Variants in IST1 observed in about 807,000 individuals in gnomAD.
The protein encoded by IST1 is IST1 factor associated with ESCRT-III.
IST1 carries 23 observed loss-of-function variants against 37.0 expected under a neutral mutation model. That is an observed-to-expected ratio of 0.62 (90% CI 0.45 to 0.88). The LOEUF is 0.88. Among genes scored for constraint, IST1 ranks in the 40% least tolerant of loss-of-function variants. IST1 has a pLI of 0.00. For synonymous variants in IST1, 180 were observed against 161.7 expected (o/e 1.11, Z -0.86); for missense variants, 488 against 445.4 (o/e 1.10, Z -0.86).
At chr16:71,901,245 G>C (rs967303707) in intron 1 of IST1, among the ~76,000 whole-genome samples, 1 of 151,280 alleles carries the variant, frequency 6.6e-6, no homozygotes, top group Non-Finnish European at 1.5e-5. Flanking sequence ...ACGGAATCTT[G>C]CTCTGTCGCC....
intron 9 of IST1, among the ~76,000 whole-genome samples, chr16:71,925,028 T>G (rs2037705489): frequency 6.6e-6 from 1 of 151,608 alleles, no homozygotes; most frequent in African/African-American, 2.4e-5. Context: ...TTTTTTTTTT[T>G]TTGAGATGGA....
upstream of IST1, chr16:71,894,789 C>G: frequency 6.8e-7 from 1 of 1,478,446 alleles, no homozygotes; most frequent in Non-Finnish European, 9.1e-7. Context: ...TCCCGCCCCG[C>G]CTCTCAAAGT....
At chr16:71,925,789 A>G (rs1466851551) in intron 9 of IST1, among the ~76,000 whole-genome samples, 1 of 152,140 alleles carries the variant, frequency 6.6e-6, no homozygotes, top group East Asian at 2.0e-4. Context: ...TGTTTCCACA[A>G]AAAATTTTTA....
In IST1 at chr16:71,904,128, G is replaced by A. The variant is rs772017673; in HGVS notation, c.-16+8539G>A. On this transcript the variant is annotated intron_variant, in intron 1 of 9. Transcript: ENST00000378799. ...CCAACGTTCTATTTGTTTGGTGGTG[G>A]TGGTGGTTGTTTTGAGACGGAGTTT... Among the ~76,000 whole-genome samples the A allele has an allele frequency of 2.0e-5, 3 of 152,022 alleles. No homozygotes were observed. The East Asian group carries it at 5.8e-4, about 29-fold the overall frequency.
chr16:71,907,187 CTT>C (rs5817797), intron 1 of IST1, among the ~76,000 whole-genome samples: 155 of 136,010 alleles, frequency 1.1e-3, no homozygotes, highest in Admixed American at 1.5e-3. Flanking sequence ...TTTTTTCTTT[CTT>C]TTTTTTTTTT....
chr16:71,911,869 A>G (rs2037362611), intron 1 of IST1, among the ~76,000 whole-genome samples: 1 of 151,874 alleles, frequency 6.6e-6, no homozygotes, highest in Admixed American at 6.6e-5. Context: ...GGCTCGCACC[A>G]CCATGCCATG....
chr16:71,923,560 GCAGT>G lies in IST1; in HGVS notation c.852+181_852+184del, dbSNP rs2037662358. On this transcript the variant is annotated intron_variant, in intron 8 of 9. Coordinates refer to ENST00000378799, the MANE Select transcript of IST1 (RefSeq NM_001270975.2). ...TGGAAATGTGGAGTGGGTGGTGATG[GCAGT>G]ATCATTGGTGGCAATGCTTTGTCTG... 1.5e-5 allele frequency: 7 copies of G among 452,392 alleles called. No homozygotes were observed. In the South Asian group the frequency reaches 2.2e-4, roughly 14 times the overall value. The allele number at this position is 452,392 out of a possible 1,614,324, so 28.0% of individuals were successfully genotyped here.
chr16:71,911,218 G>A (rs1008660681), intron 1 of IST1, among the ~76,000 whole-genome samples: 1 of 152,136 alleles, frequency 6.6e-6, no homozygotes, highest in Non-Finnish European at 1.5e-5. Context: ...TCCAGCCTGG[G>A]TGAGAGTGAG....
At chr16:71,919,298 A>G (rs928202932) in intron 4 of IST1, among the ~76,000 whole-genome samples, 3 of 152,142 alleles carry the variant, frequency 2.0e-5, no homozygotes, top group Non-Finnish European at 2.9e-5. Flanking sequence ...TTGAGAACTG[A>G]CCATGTTTGT....
intron 1 of IST1, 28 bp from the exon 2 acceptor site, chr16:71,915,598 A>T (rs369421998): frequency 6.6e-7 from 1 of 1,513,190 alleles, no homozygotes; most frequent in South Asian, 1.2e-5. Context: ...TGACTTGAAA[A>T]TAGTCATTGT....
chr16:71,913,435 C>G (rs570905226), intron 1 of IST1, among the ~76,000 whole-genome samples: 120 of 152,202 alleles, frequency 7.9e-4, no homozygotes, highest in African/African-American at 2.9e-3. Flanking sequence ...AAGTATTTTG[C>G]CCAGTTTTTA....
intron 5 of IST1, 124 bp from the exon 6 acceptor site, chr16:71,921,219 T>C: frequency 3.1e-6 from 2 of 651,486 alleles, no homozygotes; most frequent in Non-Finnish European, 5.5e-6. Flanking sequence ...ATCATTTAAC[T>C]GCTCTGAACC....
intron 1 of IST1, among the ~76,000 whole-genome samples, chr16:71,905,939 T>TA (rs960462607): frequency 6.6e-6 from 1 of 152,176 alleles, no homozygotes; most frequent in African/African-American, 2.4e-5. Flanking sequence ...TCTTGCTTTA[T>TA]AATGTTCTGG....
chr16:71,929,870 GA>G lies in IST1; in HGVS notation c.*2059del, dbSNP rs1238399083. 3 of 977,494 alleles carry G rather than the reference GA, an allele frequency of 3.1e-6. No individual in the cohort carries two copies. The allele number at this position is 977,494 out of a possible 1,614,324, so 60.6% of individuals were successfully genotyped here. A position where few individuals can be genotyped will look rare whatever the true frequency, so the allele number is the denominator to read the frequency against. On this transcript the variant is annotated 3_prime_UTR_variant, in exon 10 of 10. Coordinates refer to ENST00000378799, the MANE Select transcript of IST1 (RefSeq NM_001270975.2). Reference sequence around the variant, plus strand: ...AACTATTTATAGGACAATGGCTATAGAATATTATGTAGTCTTATAAATTGGG... The same window carrying G: ...AACTATTTATAGGACAATGGCTATAGATATTATGTAGTCTTATAAATTGGG...
chr16:71,897,173 T>C (rs1398838578), intron 1 of IST1, among the ~76,000 whole-genome samples: 1 of 10,120 alleles, frequency 9.9e-5, no homozygotes, highest in South Asian at 8.1e-3. Flanking sequence ...CACGCCTGGC[T>C]TTTTTTTTTT....
chr16:71,929,600 A>G lies in IST1; in HGVS notation c.*1787A>G. ...ACTGCTGTCGTGGCTGCTTGCTCAG[A>G]TGAGGTTTTTTGGGGCCAACTGATT... On this transcript the variant is annotated 3_prime_UTR_variant, in exon 10 of 10. Transcript: ENST00000378799. 1 of 1,551,848 alleles carries G rather than the reference A, an allele frequency of 6.4e-7. No homozygotes were observed. Among genetic ancestry groups the G allele is most frequent in the Non-Finnish European group, 8.7e-7 (1 of 1,147,018 alleles).
At position 71,930,212 on chromosome 16, in the gene IST1, G is replaced by T; in HGVS notation, c.*2399G>T. On this transcript the variant is annotated 3_prime_UTR_variant, in exon 10 of 10. Transcript: ENST00000378799. ...GGAAAACAATAAGAACACTTGCAGT[G>T]ACTGACAATTTAGTTTATACTTTAC... 3 of 1,519,726 alleles carry T rather than the reference G, an allele frequency of 2.0e-6. No homozygotes were observed. The highest frequency in any genetic ancestry group is 2.5e-5 in the South Asian group (2 of 80,324). 94.1% of individuals were successfully genotyped at this position (1,519,726 alleles called of 1,614,324 possible). A position where few individuals can be genotyped will look rare whatever the true frequency, so the allele number is the denominator to read the frequency against.
intron 6 of IST1, 70 bp downstream of exon 6, chr16:71,921,523 C>CAT (rs56089063): frequency 0.78 from 691,131 of 887,224 alleles, 272,616 homozygotes; most frequent in East Asian, 0.98. Flanking sequence ...ACAAAAAAAA[C>CAT]ATTCTTTGCA....
chr16:71,929,662 A>G lies in IST1; in HGVS notation c.*1849A>G, dbSNP rs1369570153. ...TGAGAGCTTCTGTAGCAGTGTATCTATTAGTGCAGCTTCTTTCTGAGTATT... is the reference window on the plus strand; with the variant it reads ...TGAGAGCTTCTGTAGCAGTGTATCTGTTAGTGCAGCTTCTTTCTGAGTATT... On this transcript the variant is annotated 3_prime_UTR_variant, in exon 10 of 10. Coordinates refer to ENST00000378799, the MANE Select transcript of IST1 (RefSeq NM_001270975.2). 1.2e-5 allele frequency: 19 copies of G among 1,549,626 alleles called. No homozygotes were observed. The highest frequency in any genetic ancestry group is 1.7e-4 in the Middle Eastern group (1 of 6,010).
Sources: gnomAD v4.1 joint callset for allele counts (sites outside exome capture counted in the v4.1 genomes callset) on GRCh38, gnomAD v4.1.1 for gene constraint, MANE v1.5 for transcripts, NCBI Gene and HGNC (gene_info 2026-07-23, HGNC 2026-07-21) for gene names.